FGD4: variants seen among roughly 807,000 people sequenced by gnomAD.
FGD4 encodes FYVE, RhoGEF and PH domain containing 4, also known as FYVE, RhoGEF and PH domain-containing protein 4.
Under a neutral mutation model 102.0 loss-of-function variants are expected in FGD4, and 42 were observed. The observed-to-expected ratio is 0.41, with a 90% CI of 0.32 to 0.53. The LOEUF is 0.53. Among genes scored for constraint, FGD4 ranks in the 20% least tolerant of loss-of-function variants. The pLI, the probability that FGD4 is intolerant of heterozygous loss-of-function variation, is 0.21. For synonymous variants in FGD4, 380 were observed against 375.7 expected (o/e 1.01, Z -0.13); for missense variants, 902 against 1,078.2 (o/e 0.84, Z 2.29).
chr12:32,446,423 G>C (rs532333264), intron 1 of FGD4, among the ~76,000 whole-genome samples: 2 of 152,084 alleles, frequency 1.3e-5, no homozygotes, highest in Non-Finnish European at 2.9e-5. Flanking sequence ...TGATGAATAC[G>C]GGGGTTATGT....
Position 32,634,660 on chromosome 12 carries a change from A to G in FGD4, c.2313+971A>G, listed in dbSNP as rs552578644. Among the ~76,000 whole-genome samples the G allele has an allele frequency of 2.8e-4, 43 of 152,296 alleles. 1 individual carries two copies. Among genetic ancestry groups the G allele is most frequent in the Middle Eastern group, 6.8e-3 (2 of 294 alleles). ...AGAATAGGCTCAGGATCAAAATGCT[A>G]TGTATCTAAAATCATAGACATACTT... On this transcript the variant is annotated intron_variant, in intron 15 of 16. Transcript: ENST00000534526.
intron 1 of FGD4, among the ~76,000 whole-genome samples, chr12:32,412,266 T>G (rs1237751825): frequency 6.6e-6 from 1 of 152,218 alleles, no homozygotes; most frequent in Non-Finnish European, 1.5e-5. Flanking sequence ...TAGGTCTGGT[T>G]ACATTCTTGG....
At chr12:32,478,831 A>G (rs1237147111) in intron 1 of FGD4, among the ~76,000 whole-genome samples, 1 of 152,154 alleles carries the variant, frequency 6.6e-6, no homozygotes, top group Non-Finnish European at 1.5e-5. Context: ...TTGAGGCATG[A>G]TCACAATTAT....
chr12:32,524,082 A>C (rs959151143), intron 1 of FGD4, among the ~76,000 whole-genome samples: 7 of 151,638 alleles, frequency 4.6e-5, no homozygotes, highest in African/African-American at 1.5e-4. Flanking sequence ...TTATAATTAA[A>C]CACCATGTTT....
intron 4 of FGD4, among the ~76,000 whole-genome samples, chr12:32,593,665 T>C (rs372129531): frequency 6.6e-6 from 1 of 152,226 alleles, no homozygotes; most frequent in African/African-American, 2.4e-5. Flanking sequence ...GGTGACTTCA[T>C]TGCATAGCAG....
chr12:32,578,252 G>A (rs1251116037), intron 3 of FGD4, among the ~76,000 whole-genome samples: 1 of 152,142 alleles, frequency 6.6e-6, no homozygotes, highest in Non-Finnish European at 1.5e-5. Flanking sequence ...AAAAAACAAT[G>A]TTATGTTCTC....
At chr12:32,591,828 A>G (rs1439678579) in intron 4 of FGD4, among the ~76,000 whole-genome samples, 2 of 152,222 alleles carry the variant, frequency 1.3e-5, no homozygotes, top group Non-Finnish European at 2.9e-5. Context: ...CTAAGCCCAG[A>G]GAGAAAGGAG....
chr12:32,488,506 CAG>C (rs1423850101), intron 1 of FGD4, among the ~76,000 whole-genome samples: 1 of 151,330 alleles, frequency 6.6e-6, no homozygotes, highest in East Asian at 1.9e-4. Context: ...TTCAAGATCT[CAG>C]GGGATTTCTT....
chr12:32,550,372 T>G (rs528809526), intron 1 of FGD4, among the ~76,000 whole-genome samples: 2 of 151,666 alleles, frequency 1.3e-5, no homozygotes, highest in South Asian at 4.2e-4. Flanking sequence ...ATACACTGAG[T>G]TTTTAAAAAG....
rs1951123873 is a variant in FGD4 at position 32,640,840 on chromosome 12, A to G, written c.*307A>G. The stretch of plus-strand genomic sequence containing the variant: ...CTGTCACCGTCAGGTTAGAATGAGC[A>G]CTTCCATTTAAGAAATCCTTTCATG... On this transcript the variant is annotated 3_prime_UTR_variant, in exon 17 of 17. Transcript: ENST00000534526. The G allele has an allele frequency of 3.5e-6, 2 of 575,186 alleles. No homozygotes were observed. Among genetic ancestry groups the G allele is most frequent in the South Asian group, 2.2e-5 (1 of 46,420 alleles). The allele number at this position is 575,186 out of a possible 1,614,324, so 35.6% of individuals were successfully genotyped here. A position where few individuals can be genotyped will look rare whatever the true frequency, so the allele number is the denominator to read the frequency against.
intron 1 of FGD4, among the ~76,000 whole-genome samples, chr12:32,411,826 T>A (rs1334024968): frequency 6.6e-6 from 1 of 152,014 alleles, no homozygotes; most frequent in African/African-American, 2.4e-5. Flanking sequence ...AGTACAAAAA[T>A]TCACAGGGTG....
At chr12:32,412,899 ATTTTTTTTTTT>A (rs869107334) in intron 1 of FGD4, among the ~76,000 whole-genome samples, 4 of 87,020 alleles carry the variant, frequency 4.6e-5, no homozygotes, top group East Asian at 7.2e-4. Context: ...TTTTCTAGAA[ATTTTTTTTTTT>A]TTTTTTTTTT....
chr12:32,597,459 G>A (rs1025519756), intron 4 of FGD4, among the ~76,000 whole-genome samples: 1 of 152,196 alleles, frequency 6.6e-6, no homozygotes, highest in Non-Finnish European at 1.5e-5. Context: ...TAATAGTAGG[G>A]TAGAGGTTTC....
At chr12:32,623,121 A>G (rs1331036579) in intron 11 of FGD4, among the ~76,000 whole-genome samples, 1 of 152,202 alleles carries the variant, frequency 6.6e-6, no homozygotes, top group African/African-American at 2.4e-5. Context: ...AAAAAGATAA[A>G]AAGTATTCTG....
chr12:32,551,821 T>A (rs1943694200), intron 1 of FGD4, among the ~76,000 whole-genome samples: 1 of 152,218 alleles, frequency 6.6e-6, no homozygotes, highest in African/African-American at 2.4e-5. Flanking sequence ...TTCACTGATA[T>A]TAAAGCTCAA....
chr12:32,597,066 A>G (rs1947963471), intron 4 of FGD4, among the ~76,000 whole-genome samples: 1 of 152,256 alleles, frequency 6.6e-6, no homozygotes. Flanking sequence ...ACAAAAATAA[A>G]AACATTCAGA....
chr12:32,432,251 G>A (rs1190085999), intron 1 of FGD4, among the ~76,000 whole-genome samples: 1 of 151,296 alleles, frequency 6.6e-6, no homozygotes, highest in Non-Finnish European at 1.5e-5. Flanking sequence ...TAGTAAAGGT[G>A]GGGTTTCACC....
intron 1 of FGD4, among the ~76,000 whole-genome samples, chr12:32,463,674 G>T (rs1162504258): frequency 6.6e-6 from 1 of 152,160 alleles, no homozygotes; most frequent in African/African-American, 2.4e-5. Flanking sequence ...GGAGCAGGTG[G>T]TGCCATTATT....
intron 2 of FGD4, among the ~76,000 whole-genome samples, chr12:32,567,833 T>A (rs1453124936): frequency 1.3e-5 from 2 of 151,972 alleles, no homozygotes; most frequent in Non-Finnish European, 2.9e-5. Flanking sequence ...ACTACAGGAA[T>A]GTACCACAAC....
Sources: allele counts gnomAD v4.1 joint callset (sites outside exome capture counted in the v4.1 genomes callset), GRCh38; gene constraint gnomAD v4.1.1; transcripts MANE v1.5; gene names NCBI Gene and HGNC (gene_info 2026-07-23, HGNC 2026-07-21).